The following LGALSL variants were observed in gnomAD, a reference collection of about 807,000 sequenced individuals.
The protein encoded by LGALSL is galectin-related protein.
A neutral mutation model predicts 19.5 loss-of-function variants in LGALSL; 13 were observed. The ratio of observed to expected loss-of-function variants is 0.67; its 90% CI spans 0.43 to 1.06. The LOEUF (loss-of-function observed/expected upper bound fraction) is 1.06, where lower values mean the gene tolerates loss of function less well. Among genes scored for constraint, LGALSL ranks in the 50% least tolerant of loss-of-function variants. The probability of loss-of-function intolerance (pLI) is 0.00; values close to 1 mark genes in which losing one functional copy is unlikely to be tolerated. For missense variants in LGALSL, 189 were observed against 219.3 expected (o/e 0.86, Z 0.87); for synonymous variants, 86 against 78.3 (o/e 1.10, Z -0.52).
chr2:64,457,578 C>G (rs1470714810), intron 4 of LGALSL, among the ~76,000 whole-genome samples: 3 of 152,218 alleles, frequency 2.0e-5, no homozygotes, highest in Non-Finnish European at 2.9e-5. Context: ...AACACAACTA[C>G]ACTTAACTGG....
At chr2:64,455,549 C>A in intron 2 of LGALSL, 40 bp from the exon 3 acceptor site, 1 of 1,572,888 alleles carries the variant, frequency 6.4e-7, no homozygotes, top group Non-Finnish European at 8.8e-7. Flanking sequence ...TTTTCCCTAA[C>A]AGGCTGTAAA....
rs370122300 is a variant in LGALSL, at chr2:64,457,817, T to C, written c.376-468T>C. ...TTGGGCTCCTCTTGGCTAGGATAGT[T>C]TCTTAGTGATGAACCTTAATGCATA... On this transcript the variant is annotated intron_variant, in intron 4 of 4. Coordinates refer to ENST00000238875, the MANE Select transcript of LGALSL (RefSeq NM_014181.3). Among the ~76,000 whole-genome samples, 3 of 152,174 alleles carry C rather than the reference T, an allele frequency of 2.0e-5. No individual in the cohort carries two copies. The East Asian group carries it at 5.8e-4, about 29-fold the overall frequency.
At position 64,455,688 on chromosome 2, in the gene LGALSL, G is replaced by T; in HGVS notation, c.197+11G>T. ...CCTCAACCCAGAGAGGTAAGGCAGA[G>T]TCTTTGTCAGGACAGAACTATCAGG... On this transcript the variant is annotated intron_variant, in intron 3 of 4. Coordinates refer to ENST00000238875, the MANE Select transcript of LGALSL (RefSeq NM_014181.3). 1 of 1,597,688 alleles carries T rather than the reference G, an allele frequency of 6.3e-7. No homozygotes were observed. The highest frequency in any genetic ancestry group is 8.6e-7 in the Non-Finnish European group (1 of 1,164,970).
chr2:64,458,431 T>A lies in LGALSL; in HGVS notation c.*3T>A, dbSNP rs1423681130. Reference sequence around the variant, plus strand: ...TCCAGATCACCAAGCTTGGCTGATTTAAACCACCTCTATTTCAAATAGGAT... The same window carrying A: ...TCCAGATCACCAAGCTTGGCTGATTAAAACCACCTCTATTTCAAATAGGAT... On this transcript the variant is annotated 3_prime_UTR_variant, in exon 5 of 5. Transcript: ENST00000238875. 1 of 1,611,936 alleles carries A rather than the reference T, an allele frequency of 6.2e-7. No individual in the cohort carries two copies. The highest frequency in any genetic ancestry group is 8.5e-7 in the Non-Finnish European group (1 of 1,178,824).
intron 4 of LGALSL, among the ~76,000 whole-genome samples, chr2:64,457,588 G>C (rs1686756339): frequency 6.6e-6 from 1 of 152,140 alleles, no homozygotes; most frequent in Non-Finnish European, 1.5e-5. Context: ...CACTTAACTG[G>C]TTACCCTTCA....
chr2:64,456,660 G>T (rs1040393744), intron 4 of LGALSL, among the ~76,000 whole-genome samples, 195 bp downstream of exon 4: 18 of 152,098 alleles, frequency 1.2e-4, no homozygotes, highest in African/African-American at 4.1e-4. Context: ...TATCTTCTTA[G>T]TTCTATTCAG....
rs758236959 is a variant in LGALSL at position 64,454,568 on chromosome 2, G to A, written c.23G>A (p.Ser8Asn). The A allele has an allele frequency of 6.9e-7, 1 of 1,453,726 alleles. No homozygotes were observed. The highest frequency in any genetic ancestry group is 2.2e-5 in the Admixed American group (1 of 44,848). The allele number at this position is 1,453,726 out of a possible 1,614,324, so 90.1% of individuals were successfully genotyped here. MAGSVADSDAVVKLDDGH... is the reference protein window; with the variant it reads MAGSVADNDAVVKLDDGH... ...AAGATGGCGGGATCAGTGGCCGACA[G>A]CGATGCCGTGGTGGTGAGTGTGGCA... Residue 8 changes from serine (S) to asparagine (N), a missense_variant, in exon 1 of 5, where the codon AGC (serine) becomes AAC (asparagine). Physicochemically the swap from Ser to Asn is conservative, Grantham distance 46 (BLOSUM62 1). Around this residue, in one of 3 missense-constraint regions of LGALSL, gnomAD observed 62 missense variants for 49.0 expected, o/e 1.27. Coordinates refer to ENST00000238875, the MANE Select transcript of LGALSL (RefSeq NM_014181.3). The surrounding 1 kb of genome is among the most constrained non-coding windows in gnomAD (Gnocchi z 5.1).
chr2:64,459,617 T>G lies in LGALSL; in HGVS notation c.*1189T>G, dbSNP rs1686786777. 6.6e-6 allele frequency: 1 copy of G among 152,164 alleles called. No homozygotes were observed. The highest frequency in any genetic ancestry group is 1.5e-5 in the Non-Finnish European group (1 of 68,022). The allele number at this position is 152,164 out of a possible 1,614,324, so 9.4% of individuals were successfully genotyped here. ...TGTTGGCTCTGAGGAGATAGTAGGA[T>G]TAGATAGGATCCAGATTAGGAAATG... On this transcript the variant is annotated 3_prime_UTR_variant, in exon 5 of 5. Coordinates refer to ENST00000238875, the MANE Select transcript of LGALSL (RefSeq NM_014181.3).
chr2:64,458,520 A>G lies in LGALSL; in HGVS notation c.*92A>G. Reference sequence around the variant, plus strand: ...TGTCCTAGCAAGATCTGGAGACTTAAAAAGAAAACAAAAACAAATGGCAAG... The same window carrying G: ...TGTCCTAGCAAGATCTGGAGACTTAGAAAGAAAACAAAAACAAATGGCAAG... On this transcript the variant is annotated 3_prime_UTR_variant, in exon 5 of 5. Coordinates refer to ENST00000238875, the MANE Select transcript of LGALSL (RefSeq NM_014181.3). 1 of 1,274,288 alleles carries G rather than the reference A, an allele frequency of 7.8e-7. No homozygotes were observed. Among genetic ancestry groups the G allele is most frequent in the South Asian group, 1.5e-5 (1 of 65,962 alleles). The allele number at this position is 1,274,288 out of a possible 1,614,324, so 78.9% of individuals were successfully genotyped here. A position where few individuals can be genotyped will look rare whatever the true frequency, so the allele number is the denominator to read the frequency against.
intron 1 of LGALSL, among the ~76,000 whole-genome samples, 155 bp from the exon 2 acceptor site, chr2:64,455,189 T>A (rs1189052012): frequency 2.0e-5 from 3 of 151,844 alleles, no homozygotes; most frequent in Non-Finnish European, 4.4e-5. Context: ...TGTTCGGGGG[T>A]GATGAGATTA....
chr2:64,454,504 C>T lies in LGALSL; in HGVS notation c.-42C>T. The T allele has an allele frequency of 7.5e-7, 1 of 1,324,536 alleles. No homozygotes were observed. Among genetic ancestry groups the T allele is most frequent in the Non-Finnish European group, 9.7e-7 (1 of 1,027,152 alleles). 82.0% of individuals were successfully genotyped at this position (1,324,536 alleles called of 1,614,324 possible). A position where few individuals can be genotyped will look rare whatever the true frequency, so the allele number is the denominator to read the frequency against. On this transcript the variant is annotated 5_prime_UTR_variant, in exon 1 of 5. Coordinates refer to ENST00000238875, the MANE Select transcript of LGALSL (RefSeq NM_014181.3). The surrounding 1 kb of genome is among the most constrained non-coding windows in gnomAD (Gnocchi z 5.1). ...GCAGGACAGCCCCGGGATCCCCGCC[C>T]GCGCGCCGCGTCCCACGTACCCCGC...
Position 64,454,678 on chromosome 2 carries a change from G to T in LGALSL, c.36+97G>T. On this transcript the variant is annotated intron_variant, in intron 1 of 4. Transcript: ENST00000238875. This position sits in a 1 kb window ranked among gnomAD's most constrained non-coding sequence, Gnocchi z 5.1. The stretch of plus-strand genomic sequence containing the variant: ...GTGCTGGGGTGCTGAGCAGCCGCAG[G>T]CCCGGCCGGCGCCCGGCGCGTGGGA... 1.1e-6 allele frequency: 1 copy of T among 917,764 alleles called. No homozygotes were observed. The highest frequency in any genetic ancestry group is 1.4e-6 in the Non-Finnish European group (1 of 709,370). 56.9% of individuals were successfully genotyped at this position (917,764 alleles called of 1,614,324 possible). A position where few individuals can be genotyped will look rare whatever the true frequency, so the allele number is the denominator to read the frequency against.
Position 64,459,406 on chromosome 2 carries a change from GAAT to G in LGALSL, c.*983_*985del, listed in dbSNP as rs1686783623. ...GTGACTATAGTATAAACTTTTAAAA[GAAT>G]AATATGAAAATGACTGTGGAATGCA... On this transcript the variant is annotated 3_prime_UTR_variant, in exon 5 of 5. Transcript: ENST00000238875. The G allele has an allele frequency of 6.6e-6, 1 of 151,974 alleles. No individual in the cohort carries two copies. Among genetic ancestry groups the G allele is most frequent in the Non-Finnish European group, 1.5e-5 (1 of 67,986 alleles). The allele number at this position is 151,974 out of a possible 1,614,324, so 9.4% of individuals were successfully genotyped here.
chr2:64,456,947 CT>C (rs1686746150), intron 4 of LGALSL, among the ~76,000 whole-genome samples: 1 of 152,140 alleles, frequency 6.6e-6, no homozygotes, highest in Admixed American at 6.5e-5. Flanking sequence ...TTGTTTCCCC[CT>C]CTGGATTAAT....
chr2:64,454,417 G>C lies in LGALSL; in HGVS notation c.-129G>C, dbSNP rs1389737939. The C allele has an allele frequency of 5.5e-6, 2 of 366,246 alleles. No homozygotes were observed. Among genetic ancestry groups the C allele is most frequent in the African/African-American group, 2.3e-5 (1 of 44,412 alleles). 22.7% of individuals were successfully genotyped at this position (366,246 alleles called of 1,614,324 possible). ...CCGGGCCCCGGGCGCGCGCGCGCGC[G>C]CCCCCTCGTGTGTGCGCGCGCCCGC... On this transcript the variant is annotated 5_prime_UTR_variant, in exon 1 of 5. Transcript: ENST00000238875. The surrounding 1 kb of genome is among the most constrained non-coding windows in gnomAD (Gnocchi z 5.1).
rs975581291 is a variant in LGALSL at position 64,460,553 on chromosome 2, CA to C, written c.*2126del. 1 of 152,212 alleles carries C rather than the reference CA, an allele frequency of 6.6e-6. No homozygotes were observed. Among genetic ancestry groups the C allele is most frequent in the Non-Finnish European group, 1.5e-5 (1 of 68,030 alleles). The allele number at this position is 152,212 out of a possible 1,614,324, so 9.4% of individuals were successfully genotyped here. A position where few individuals can be genotyped will look rare whatever the true frequency, so the allele number is the denominator to read the frequency against. ...TGACACGCTTATTCTGTCTACCTAT[CA>C]GCTAACTCATTAGCAGCCAAGCCCT... On this transcript the variant is annotated 3_prime_UTR_variant, in exon 5 of 5. Coordinates refer to ENST00000238875, the MANE Select transcript of LGALSL (RefSeq NM_014181.3).
At position 64,458,632 on chromosome 2, in the gene LGALSL, T is replaced by C; in HGVS notation, c.*204T>C. 2.3e-6 allele frequency: 1 copy of C among 440,712 alleles called. No homozygotes were observed. The highest frequency in any genetic ancestry group is 4.0e-6 in the Non-Finnish European group (1 of 250,860). The allele number at this position is 440,712 out of a possible 1,614,324, so 27.3% of individuals were successfully genotyped here. A position where few individuals can be genotyped will look rare whatever the true frequency, so the allele number is the denominator to read the frequency against. On this transcript the variant is annotated 3_prime_UTR_variant, in exon 5 of 5. Transcript: ENST00000238875. Reference sequence around the variant, plus strand: ...TATACCCAGAATAAAATAATACATTTATGCTGGATTTTATTCAGACCAAAC... The same window carrying C: ...TATACCCAGAATAAAATAATACATTCATGCTGGATTTTATTCAGACCAAAC...
Position 64,455,337 on chromosome 2 carries a change from T to G in LGALSL, c.37-7T>G. 6.2e-7 allele frequency: 1 copy of G among 1,606,058 alleles called. No homozygotes were observed. The highest frequency in any genetic ancestry group is 1.1e-5 in the South Asian group (1 of 90,912). The stretch of plus-strand genomic sequence containing the variant: ...TGGAAAGCCAATCTGTGTACTTCTA[T>G]TTTTAGAAACTAGATGATGGCCATT... On this transcript the variant is annotated splice_polypyrimidine_tract_variant and splice_region_variant and intron_variant, in intron 1 of 4. Coordinates refer to ENST00000238875, the MANE Select transcript of LGALSL (RefSeq NM_014181.3).
intron 4 of LGALSL, 134 bp from the exon 5 acceptor site, chr2:64,458,151 C>A: frequency 1.3e-6 from 1 of 779,316 alleles, no homozygotes; most frequent in East Asian, 2.5e-5. Flanking sequence ...CTAACAAGCC[C>A]TCTGCAGGTC....
Sources: gnomAD v4.1 joint callset for allele counts (sites outside exome capture counted in the v4.1 genomes callset) on GRCh38, gnomAD v4.1.1 for gene constraint, gnomAD v4.1.1 regional missense constraint, Gnocchi (gnomAD v3.1) non-coding constraint, MANE v1.5 for transcripts, NCBI Gene and HGNC (gene_info 2026-07-23, HGNC 2026-07-21) for gene names.